The following C12orf43 variants were observed in gnomAD, a reference collection of about 807,000 sequenced individuals.
C12orf43 encodes the protein chromosome 12 open reading frame 43, also known as protein CUSTOS.
In C12orf43, 15 loss-of-function variants were observed where a neutral mutation model predicts 20.6. The ratio of observed to expected loss-of-function variants is 0.73; its 90% confidence interval spans 0.49 to 1.12. The LOEUF is 1.12. Ranked by LOEUF, C12orf43 falls within the 50% of genes most tolerant of loss-of-function variation. C12orf43 has a pLI of 0.00. For synonymous variants in C12orf43, 144 were observed against 130.8 expected, an observed-to-expected ratio of 1.10 and a Z score of -0.69; for missense variants, 334 against 344.4, an observed-to-expected ratio of 0.97 and a Z score of 0.24.
At position 121,004,362 on chromosome 12, in the gene C12orf43, T is replaced by C; in HGVS notation, c.580A>G (p.Lys194Glu). 6.2e-7 allele frequency: 1 copy of C among 1,614,208 alleles called. No individual in the cohort carries two copies. ...CTGGCCACCTTCTTGGCTTTCTTTT[T>C]CAACTTCCTTTTCTTCTTTGCCTCC... ...EKEAKKKRKL[K>E]KKAKKVASVD... Residue 194 changes from lysine (K) to glutamate (E), a missense_variant, in exon 6 of 6, where the codon AAA becomes GAA. Physicochemically the swap from Lys to Glu is moderately conservative, Grantham distance 56 (BLOSUM62 1). Transcript: ENST00000288757. The surrounding 1 kb of genome is among the most constrained non-coding windows in gnomAD (Gnocchi z 5.6).
Position 121,001,613 on chromosome 12 carries a change from G to C in C12orf43, c.*2540C>G, listed in dbSNP as rs895780630. ...CAGGCCTGTGTAGCTGTGACCTGCT[G>C]AGCTCTGAGAGGCCCTGGATCAGCG... On this transcript the variant is annotated 3_prime_UTR_variant, in exon 6 of 6. Transcript: ENST00000288757. 11 of 440,004 alleles carry C rather than the reference G, an allele frequency of 2.5e-5. No individual in the cohort carries two copies. The East Asian group carries it at 4.4e-4, about 18-fold the overall frequency. The allele number at this position is 440,004 out of a possible 1,614,324, so 27.3% of individuals were successfully genotyped here. A position where few individuals can be genotyped will look rare whatever the true frequency, so the allele number is the denominator to read the frequency against.
In C12orf43 at chr12:121,001,441, T is replaced by C; in HGVS notation, c.*2712A>G. 2 of 547,286 alleles carry C rather than the reference T, an allele frequency of 3.7e-6. No individual in the cohort carries two copies. Among genetic ancestry groups the C allele is most frequent in the Admixed American group, 6.2e-5 (2 of 32,134 alleles). 33.9% of individuals were successfully genotyped at this position (547,286 alleles called of 1,614,324 possible). ...AGGAGCAAAGCCTGTTCATGGCAGA[T>C]GTAGGAGGGACTGTCGCTGCTTCGT... is the stretch of plus-strand genomic sequence containing the variant. On this transcript the variant is annotated 3_prime_UTR_variant, in exon 6 of 6. Coordinates refer to ENST00000288757, the MANE Select transcript of C12orf43 (RefSeq NM_022895.3).
Position 121,002,251 on chromosome 12 carries a change from TG to T in C12orf43, c.*1901del. On this transcript the variant is annotated 3_prime_UTR_variant, in exon 6 of 6. Coordinates refer to ENST00000288757, the MANE Select transcript of C12orf43 (RefSeq NM_022895.3). The stretch of plus-strand genomic sequence containing the variant: ...TCAGAAGCCTGGGGGCCTGGCTGGC[TG>T]AGGGCAGTTCGCAGCCACCCTGAGG... The T allele has an allele frequency of 2.3e-6, 1 of 440,806 alleles. No individual in the cohort carries two copies. The highest frequency in any genetic ancestry group is 2.0e-5 in the South Asian group (1 of 49,394). The allele number at this position is 440,806 out of a possible 1,614,324, so 27.3% of individuals were successfully genotyped here.
intron 1 of C12orf43, among the ~76,000 whole-genome samples, chr12:121,011,776 T>G (rs1236635441): frequency 6.6e-6 from 1 of 152,224 alleles, no homozygotes; most frequent in Non-Finnish European, 1.5e-5. Context: ...CCTGCCTGGC[T>G]GTGTGCTAAG....
intron 3 of C12orf43, among the ~76,000 whole-genome samples, chr12:121,009,216 C>T (rs554237807): frequency 3.9e-5 from 6 of 152,182 alleles, no homozygotes; most frequent in Admixed American, 3.3e-4. Context: ...GAGGCCGAGC[C>T]GGTGGATCAC....
rs770628477 is a variant in C12orf43 at position 121,016,443 on chromosome 12, G to A, written c.32C>T (p.Ser11Leu). Reference sequence around the variant, plus strand: ...ATCGCTACTGCTGTTACTACTTTCCGAATCGCTCACTGTGCCACTGGGCGC... The same window carrying A: ...ATCGCTACTGCTGTTACTACTTTCCAAATCGCTCACTGTGCCACTGGGCGC... Reference protein sequence around the residue: MAAPSGTVSDSESSNSSSDAE... With the variant: MAAPSGTVSDLESSNSSSDAE... Residue 11 changes from serine to leucine, a missense_variant, in exon 1 of 6, where the codon TCG becomes TTG. Physicochemically the swap from Ser to Leu is moderately radical, Grantham distance 145. Coordinates refer to ENST00000288757, the MANE Select transcript of C12orf43 (RefSeq NM_022895.3). 3.7e-6 allele frequency: 6 copies of A among 1,614,048 alleles called. No individual in the cohort carries two copies. The highest frequency in any genetic ancestry group is 3.3e-5 in the South Asian group (3 of 91,086).
intron 2 of C12orf43, 51 bp downstream of exon 2, chr12:121,011,053 G>A (rs934760541): frequency 2.5e-6 from 4 of 1,600,486 alleles, no homozygotes; most frequent in Admixed American, 3.3e-5. Context: ...GCACACGCAG[G>A]GGATCAGTAT....
rs1877943972 is a variant in C12orf43 at position 121,005,536 on chromosome 12, A to G, written c.362-443T>C. On this transcript the variant is annotated intron_variant, in intron 4 of 5. Transcript: ENST00000288757. The surrounding 1 kb of genome is among the most constrained non-coding windows in gnomAD (Gnocchi z 5.6). The stretch of plus-strand genomic sequence containing the variant: ...TGGAGCAGGAGCCAGCAGCCACATC[A>G]GCTCAGCAAGCCCTCAGAGGCTTCT... 2.6e-5 allele frequency among the ~76,000 whole-genome samples: 4 copies of G among 152,254 alleles called. No individual in the cohort carries two copies. The South Asian group carries it at 8.3e-4, about 31-fold the overall frequency.
At chr12:121,015,952 G>A (rs1466148998) in intron 1 of C12orf43, among the ~76,000 whole-genome samples, 1 of 152,144 alleles carries the variant, frequency 6.6e-6, no homozygotes, top group East Asian at 1.9e-4. Context: ...GTGATGTGCT[G>A]GGCACTGCTC....
In C12orf43 at chr12:121,004,315, G is replaced by A; in HGVS notation, c.627C>T (p.Ala209=). Reference sequence around the variant, plus strand: ...CTGTGGCCATGCTGGTGGGGGTGGTGGCAGCGACAGCCGAGTCGACACTGG... The same window carrying A: ...CTGTGGCCATGCTGGTGGGGGTGGTAGCAGCGACAGCCGAGTCGACACTGG... ...KVASVDSAVA[A]TTPTSMATVQ... Residue 209 remains alanine (A), a synonymous_variant, in exon 6 of 6, where the codon GCC becomes GCT. Transcript: ENST00000288757. This position sits in a 1 kb window ranked among gnomAD's most constrained non-coding sequence, Gnocchi z 5.6. 6.2e-7 allele frequency: 1 copy of A among 1,614,084 alleles called. No homozygotes were observed. The highest frequency in any genetic ancestry group is 1.1e-5 in the South Asian group (1 of 91,074).
chr12:121,009,526 G>A (rs760445467), intron 3 of C12orf43, among the ~76,000 whole-genome samples: 11 of 152,050 alleles, frequency 7.2e-5, no homozygotes, highest in Admixed American at 1.3e-4. Context: ...TGATTAGGTC[G>A]GGAGGGTGGA....
chr12:121,012,097 C>T (rs1224204945), intron 1 of C12orf43, among the ~76,000 whole-genome samples: 1 of 152,094 alleles, frequency 6.6e-6, no homozygotes, highest in Non-Finnish European at 1.5e-5. Context: ...GGATTGTTAA[C>T]ATAAAGGTGG....
rs552205524 is a variant in C12orf43 at position 121,003,414 on chromosome 12, A to T, written c.*739T>A. ...ACTTCCTGAAGTCTTGGGTGGGGTG[A>T]ACGCACAAATCCTGGGGGTGTAGAG... On this transcript the variant is annotated 3_prime_UTR_variant, in exon 6 of 6. Coordinates refer to ENST00000288757, the MANE Select transcript of C12orf43 (RefSeq NM_022895.3). 1 of 152,410 alleles carries T rather than the reference A, an allele frequency of 6.6e-6. No homozygotes were observed. The highest frequency in any genetic ancestry group is 2.4e-5 in the African/African-American group (1 of 41,584). 9.4% of individuals were successfully genotyped at this position (152,410 alleles called of 1,614,324 possible). A position where few individuals can be genotyped will look rare whatever the true frequency, so the allele number is the denominator to read the frequency against.
chr12:121,015,664 A>C (rs1014198818), intron 1 of C12orf43, among the ~76,000 whole-genome samples: 11 of 152,334 alleles, frequency 7.2e-5, no homozygotes, highest in Non-Finnish European at 8.8e-5. Flanking sequence ...TTTATCAATA[A>C]AATGATATAT....
chr12:121,009,021 G>A (rs993453400), intron 3 of C12orf43, among the ~76,000 whole-genome samples: 11 of 152,230 alleles, frequency 7.2e-5, no homozygotes, highest in African/African-American at 2.4e-4. Flanking sequence ...AGTCTGCAAG[G>A]ACACGTGGAG....
Position 121,004,907 on chromosome 12 carries a change from G to T in C12orf43, c.452+96C>A. The stretch of plus-strand genomic sequence containing the variant: ...CCTGACAGGGCCACTGCCTTGGCCT[G>T]GTCCTGACTGGAGTCTGCTTGGCTA... On this transcript the variant is annotated intron_variant, in intron 5 of 5. Transcript: ENST00000288757. This position sits in a 1 kb window ranked among gnomAD's most constrained non-coding sequence, Gnocchi z 5.6. The T allele has an allele frequency of 2.2e-6, 2 of 901,300 alleles. No homozygotes were observed. The highest frequency in any genetic ancestry group is 2.7e-5 in the South Asian group (1 of 37,076). The allele number at this position is 901,300 out of a possible 1,614,324, so 55.8% of individuals were successfully genotyped here.
chr12:121,010,194 T>C (rs1011695797), intron 3 of C12orf43, among the ~76,000 whole-genome samples: 1 of 152,190 alleles, frequency 6.6e-6, no homozygotes, highest in Non-Finnish European at 1.5e-5. Context: ...GTCCAGCTAC[T>C]TGGGAGGCTG....
At position 121,005,006 on chromosome 12, in the gene C12orf43, G is replaced by C. The variant is rs1270180628; in HGVS notation, c.449C>G (p.Ser150Cys). The part of the protein sequence containing the change: ...QPRRKRQPSS[S>C]SEDSDEEWRR... ...GAGGAGAGGTGTGAGTTCTCACCTG[G>C]AGCTGGAGGGCTGTCGCTTTCGGCG... is the stretch of plus-strand genomic sequence containing the variant. Residue 150 changes from serine (S) to cysteine (C), a missense_variant, in exon 5 of 6, where the codon TCC becomes TGC. Ser to Cys is a moderately radical substitution (Grantham distance 112, BLOSUM62 -1). Coordinates refer to ENST00000288757, the MANE Select transcript of C12orf43 (RefSeq NM_022895.3). This position sits in a 1 kb window ranked among gnomAD's most constrained non-coding sequence, Gnocchi z 5.6. 6.5e-7 allele frequency: 1 copy of C among 1,541,220 alleles called. No homozygotes were observed. The highest frequency in any genetic ancestry group is 1.2e-5 in the South Asian group (1 of 80,540).
intron 1 of C12orf43, among the ~76,000 whole-genome samples, chr12:121,014,173 T>TA (rs1187175584): frequency 5.9e-5 from 8 of 135,080 alleles, no homozygotes; most frequent in Non-Finnish European, 1.1e-4. Flanking sequence ...AATAAAAATA[T>TA]AAAAAAAAAT....
Sources: gnomAD v4.1 joint callset for allele counts (sites outside exome capture counted in the v4.1 genomes callset) on GRCh38, gnomAD v4.1.1 for gene constraint, Gnocchi (gnomAD v3.1) non-coding constraint, MANE v1.5 for transcripts, NCBI Gene and HGNC (gene_info 2026-07-23, HGNC 2026-07-21) for gene names.